Variants in KLF12 observed in about 807,000 individuals in gnomAD.
KLF12 encodes the protein Krueppel-like factor 12.
A neutral mutation model predicts 37.8 loss-of-function variants in KLF12; 9 were observed. That is an observed-to-expected ratio of 0.24 (90% CI 0.14 to 0.42). KLF12 has a LOEUF of 0.42. Ranked by LOEUF, KLF12 falls within the 10% of genes least tolerant of loss-of-function variation. The probability of loss-of-function intolerance (pLI) is 1.00; values close to 1 mark genes in which losing one functional copy is unlikely to be tolerated. For missense variants in KLF12, 411 were observed against 516.0 expected (o/e 0.80, Z 1.97); for synonymous variants, 208 against 202.1 (o/e 1.03, Z -0.25).
chr13:73,789,899 A>G (rs987496507), intron 5 of KLF12, among the ~76,000 whole-genome samples: 2 of 152,010 alleles, frequency 1.3e-5, no homozygotes, highest in Non-Finnish European at 2.9e-5. Context: ...GATGGTCTCG[A>G]TCTCCTGACC....
At chr13:73,904,405 C>T (rs1888174793) in intron 3 of KLF12, among the ~76,000 whole-genome samples, 2 of 148,688 alleles carry the variant, frequency 1.3e-5, no homozygotes, top group African/African-American at 5.0e-5. Context: ...GAATAATGTG[C>T]TATTTCTTAT....
chr13:74,141,145 G>A, the KLF12 span, among the ~76,000 whole-genome samples: 1 of 152,154 alleles, frequency 6.6e-6, no homozygotes, highest in Admixed American at 6.5e-5. Flanking sequence ...AGAAATGAAG[G>A]TTGGAACAGC....
intron 5 of KLF12, among the ~76,000 whole-genome samples, chr13:73,772,882 G>A (rs770183519): frequency 9.3e-5 from 12 of 128,478 alleles, no homozygotes; most frequent in Non-Finnish European, 1.9e-4. Flanking sequence ...ACGGTGGGTC[G>A]AGGGAGGAGT....
intron 5 of KLF12, among the ~76,000 whole-genome samples, chr13:73,812,385 AC>A (rs1485916198): frequency 4.2e-4 from 28 of 67,298 alleles, no homozygotes; most frequent in African/African-American, 1.4e-3. Context: ...ATGCATTCTC[AC>A]AAAAAAAAAA....
At chr13:74,242,393 A>G in the KLF12 span, among the ~76,000 whole-genome samples, 1 of 152,190 alleles carries the variant, frequency 6.6e-6, no homozygotes, top group African/African-American at 2.4e-5. Flanking sequence ...TGGTGGCAGG[A>G]GAGAGAGAAT....
chr13:74,225,163 A>C, the KLF12 span, among the ~76,000 whole-genome samples: 9 of 152,134 alleles, frequency 5.9e-5, no homozygotes, highest in Non-Finnish European at 1.2e-4. Flanking sequence ...CAGCATCTTC[A>C]GGAAGAATTT....
intron 2 of KLF12, among the ~76,000 whole-genome samples, chr13:73,984,350 C>G (rs747376041): frequency 3.3e-5 from 5 of 152,198 alleles, no homozygotes; most frequent in Non-Finnish European, 7.3e-5. Context: ...GCCTGCTCTC[C>G]TCGCTGGCAC....
intron 1 of KLF12, among the ~76,000 whole-genome samples, chr13:74,086,788 A>C (rs1003229346): frequency 1.3e-5 from 2 of 152,202 alleles, no homozygotes; most frequent in Non-Finnish European, 2.9e-5. Flanking sequence ...CAGATAACAC[A>C]AACAGTAGAT....
the KLF12 span, among the ~76,000 whole-genome samples, chr13:74,161,112 T>G: frequency 6.6e-6 from 1 of 151,646 alleles, no homozygotes; most frequent in South Asian, 2.1e-4. Flanking sequence ...TTGAATCCAT[T>G]CTGGGAAGGC....
intron 2 of KLF12, among the ~76,000 whole-genome samples, chr13:73,966,194 C>T (rs1160212488): frequency 7.2e-5 from 11 of 152,022 alleles, no homozygotes; most frequent in Non-Finnish European, 1.3e-4. Context: ...TAGAAATGTG[C>T]CCAATATATA....
At chr13:74,014,516 T>C (rs939691343) in intron 1 of KLF12, among the ~76,000 whole-genome samples, 2 of 152,318 alleles carry the variant, frequency 1.3e-5, no homozygotes, top group East Asian at 3.9e-4. Flanking sequence ...AAGATAAAGT[T>C]GCCACAGGGG....
chr13:73,919,338 A>C lies in KLF12; in HGVS notation c.123+24643T>G, dbSNP rs143595693. On this transcript the variant is annotated intron_variant, in intron 3 of 7. Coordinates refer to ENST00000377669, the MANE Select transcript of KLF12 (RefSeq NM_007249.5). Reference sequence around the variant, plus strand: ...CCATGACAGAGGAGTTCTGACTCCTATAACAAAACCTAACAGTAACTAATC... The same window carrying C: ...CCATGACAGAGGAGTTCTGACTCCTCTAACAAAACCTAACAGTAACTAATC... 2.9e-3 allele frequency among the ~76,000 whole-genome samples: 446 copies of C among 152,298 alleles called. 4 individuals carry two copies. Among genetic ancestry groups the C allele is most frequent in the African/African-American group, 0.01 (430 of 41,570 alleles).
At chr13:74,172,284 G>T in the KLF12 span, among the ~76,000 whole-genome samples, 1 of 152,168 alleles carries the variant, frequency 6.6e-6, no homozygotes, top group East Asian at 1.9e-4. Flanking sequence ...GGTTTTCCAT[G>T]TGTGATATGG....
chr13:74,068,858 A>G (rs1026908253), intron 1 of KLF12, among the ~76,000 whole-genome samples: 5 of 152,122 alleles, frequency 3.3e-5, no homozygotes, highest in African/African-American at 1.2e-4. Flanking sequence ...CACCCGGCCT[A>G]TTTGAATAAA....
chr13:74,206,725 CA>C, the KLF12 span, among the ~76,000 whole-genome samples: 1 of 152,200 alleles, frequency 6.6e-6, no homozygotes, highest in Non-Finnish European at 1.5e-5. Context: ...GCTGCGACAG[CA>C]TGCTCACTAT....
the KLF12 span, among the ~76,000 whole-genome samples, chr13:74,230,966 G>A: frequency 6.6e-6 from 1 of 151,494 alleles, no homozygotes. Flanking sequence ...CCAAAGCTTA[G>A]TCATTGGTCC....
chr13:74,294,124 T>C, the KLF12 span, among the ~76,000 whole-genome samples: 1 of 152,214 alleles, frequency 6.6e-6, no homozygotes, highest in African/African-American at 2.4e-5. Flanking sequence ...CAAAAACTTC[T>C]AGGTGAAGCC....
intron 1 of KLF12, among the ~76,000 whole-genome samples, chr13:74,018,556 A>G (rs1484712208): frequency 6.6e-6 from 1 of 152,238 alleles, no homozygotes; most frequent in Non-Finnish European, 1.5e-5. Context: ...TAAATAATAC[A>G]TACAATTTTA....
intron 1 of KLF12, among the ~76,000 whole-genome samples, chr13:74,036,298 A>G (rs1231894370): frequency 6.6e-6 from 1 of 152,208 alleles, no homozygotes; most frequent in Non-Finnish European, 1.5e-5. Flanking sequence ...TAGTTCTTCA[A>G]AGAACGACCT....
Sources: allele counts gnomAD v4.1 joint callset (sites outside exome capture counted in the v4.1 genomes callset), GRCh38; gene constraint gnomAD v4.1.1; transcripts MANE v1.5; gene names NCBI Gene and HGNC (gene_info 2026-07-23, HGNC 2026-07-21).